ERICH1: variants seen among roughly 807,000 people sequenced by gnomAD.
ERICH1 encodes the protein glutamate rich 1, also known as glutamate-rich protein 1.
Under a neutral mutation model 39.6 loss-of-function variants are expected in ERICH1, and 56 were observed. The ratio of observed to expected loss-of-function variants is 1.41; its 90% CI spans 1.14 to 1.77. The LOEUF (loss-of-function observed/expected upper bound fraction) is 1.77, where lower values mean the gene tolerates loss of function less well. ERICH1 is among the 40% of genes most tolerant of loss of function. The pLI, the probability that ERICH1 is intolerant of heterozygous loss-of-function variation, is 0.00. For missense variants in ERICH1, 826 were observed against 575.4 expected, an observed-to-expected ratio of 1.44 and a Z score of -4.45; for synonymous variants, 313 against 223.6, an observed-to-expected ratio of 1.40 and a Z score of -3.57.
intron 2 of ERICH1, among the ~76,000 whole-genome samples, chr8:712,572 G>T (rs1814996027): frequency 6.6e-6 from 1 of 152,176 alleles, no homozygotes. Context: ...TGGGACTACA[G>T]GTGTGCACCA....
chr8:729,133 C>T (rs542351912), intron 1 of ERICH1, among the ~76,000 whole-genome samples: 84 of 152,242 alleles, frequency 5.5e-4, no homozygotes, highest in Non-Finnish European at 1.0e-3. Context: ...GCCTGATTCG[C>T]TGCCGCAGCC....
Position 642,694 on chromosome 8 carries a change from A to G in ERICH1, c.976+25904T>C, listed in dbSNP as rs528754107. On this transcript the variant is annotated intron_variant, in intron 3 of 3. Coordinates refer to the ERICH1 transcript ENST00000522706. ...CTGGCACGTCTGTTATGAGGTCTTCATCATCCCACAAACGCGTTGTTCCGC... is the reference window on the plus strand; with the variant it reads ...CTGGCACGTCTGTTATGAGGTCTTCGTCATCCCACAAACGCGTTGTTCCGC... Among the ~76,000 whole-genome samples the G allele has an allele frequency of 6.0e-4, 92 of 152,076 alleles. 2 individuals are homozygous for G. Among genetic ancestry groups the G allele is most frequent in the African/African-American group, 2.1e-3 (88 of 41,484 alleles).
At chr8:688,065 A>G (rs1253934939) in intron 3 of ERICH1, among the ~76,000 whole-genome samples, 1 of 152,076 alleles carries the variant, frequency 6.6e-6, no homozygotes, top group Non-Finnish European at 1.5e-5. Context: ...GCGCGCGGTC[A>G]AATTCCTCAG....
intron 2 of ERICH1, among the ~76,000 whole-genome samples, chr8:706,742 C>A (rs2132256647): frequency 6.6e-6 from 1 of 152,242 alleles, no homozygotes; most frequent in East Asian, 1.9e-4. Flanking sequence ...TGTACTCTAG[C>A]CTGGGCAACA....
intron 3 of ERICH1, among the ~76,000 whole-genome samples, chr8:679,514 G>T (rs1002292044): frequency 2.3e-4 from 35 of 151,832 alleles, no homozygotes; most frequent in African/African-American, 8.5e-4. Flanking sequence ...CCTGACAAGG[G>T]CATTGCAAGA....
intron 3 of ERICH1, among the ~76,000 whole-genome samples, chr8:658,632 G>A (rs1563197681): frequency 6.6e-6 from 1 of 152,184 alleles, no homozygotes; most frequent in Non-Finnish European, 1.5e-5. Context: ...CCTTAGGGAG[G>A]TGACCAGGCC....
In ERICH1 at chr8:642,511, A is replaced by AT. The variant is rs1799126693; in HGVS notation, c.976+26086dup. On this transcript the variant is annotated intron_variant, in intron 3 of 3. Transcript: ENST00000522706. ...AGGCACCAGCCACCACGCCCGGCTA[A>AT]TTTTTTGTATTTTTAGTAGAGACGG... 2.0e-5 allele frequency among the ~76,000 whole-genome samples: 3 copies of AT among 151,780 alleles called. No homozygotes were observed. The South Asian group carries it at 6.3e-4, about 32-fold the overall frequency.
At chr8:696,906 T>C (rs1810439041) in intron 2 of ERICH1, among the ~76,000 whole-genome samples, 2 of 143,342 alleles carry the variant, frequency 1.4e-5, no homozygotes, top group African/African-American at 5.3e-5. Context: ...CTCCCTCTCC[T>C]TCCTCCCCAT....
intron 3 of ERICH1, among the ~76,000 whole-genome samples, chr8:629,237 G>A (rs192803932): frequency 1.4e-4 from 22 of 152,248 alleles, no homozygotes; most frequent in Admixed American, 1.0e-3. Context: ...TGGCCAACAG[G>A]CTACCCCAGG....
chr8:641,646 G>A (rs190917699), intron 3 of ERICH1, among the ~76,000 whole-genome samples: 2 of 152,240 alleles, frequency 1.3e-5, no homozygotes, highest in African/African-American at 4.8e-5. Flanking sequence ...GTCTGAGCGT[G>A]ATCTAATCAG....
intron 1 of ERICH1, among the ~76,000 whole-genome samples, chr8:722,368 C>G (rs1007403491): frequency 2.0e-5 from 3 of 152,014 alleles, no homozygotes; most frequent in African/African-American, 7.3e-5. Context: ...CAACACCCAG[C>G]AGAAATGAGT....
chr8:689,099 A>G (rs1443086695), intron 3 of ERICH1, among the ~76,000 whole-genome samples: 1 of 149,970 alleles, frequency 6.7e-6, no homozygotes, highest in East Asian at 2.0e-4. Context: ...CTAGGTGAAG[A>G]GCTCACGTAT....
chr8:634,180 A>AAAAACAAAC lies in ERICH1; in HGVS notation c.977-18897_977-18896insGTTTGTTTT, dbSNP rs1798244217. Among the ~76,000 whole-genome samples, 4 of 91,254 alleles carry AAAAACAAAC rather than the reference A, an allele frequency of 4.4e-5. No homozygotes were observed. In the South Asian group the frequency reaches 1.1e-3, roughly 25 times the overall value. The allele number at this position is 91,254 out of a possible 152,430, so 59.9% of individuals were successfully genotyped here. A position where few individuals can be genotyped will look rare whatever the true frequency, so the allele number is the denominator to read the frequency against. ...AACTCCTAAAACTCAAAAAAAAAAA[A>AAAAACAAAC]AAAAAACAAACAAAAAAAACCCTGA... On this transcript the variant is annotated intron_variant, in intron 3 of 3. Coordinates refer to the ERICH1 transcript ENST00000522706.
intron 3 of ERICH1, among the ~76,000 whole-genome samples, chr8:631,182 G>A (rs1259551933): frequency 6.6e-6 from 1 of 152,276 alleles, no homozygotes. Flanking sequence ...CCTGAAGCTT[G>A]GCTCTGGGAG....
At chr8:691,498 G>A (rs1047886947) in intron 3 of ERICH1, among the ~76,000 whole-genome samples, 10 of 152,216 alleles carry the variant, frequency 6.6e-5, no homozygotes, top group African/African-American at 2.4e-4. Flanking sequence ...CAGGAAGGGC[G>A]TGAGTGAGGG....
At chr8:716,055 T>C (rs1815909814) in intron 1 of ERICH1, 48 bp from the exon 2 acceptor site, 2 of 1,551,520 alleles carry the variant, frequency 1.3e-6, no homozygotes, top group East Asian at 2.3e-5. Context: ...GAATGAATTA[T>C]GCAGTTTATC....
At chr8:711,189 A>G (rs1563326344) in intron 2 of ERICH1, among the ~76,000 whole-genome samples, 2 of 152,180 alleles carry the variant, frequency 1.3e-5, no homozygotes, top group African/African-American at 2.4e-5. Flanking sequence ...CCATTTTCTT[A>G]TTAAGTTTTA....
chr8:687,388 G>C (rs1204226190), intron 3 of ERICH1, among the ~76,000 whole-genome samples: 1 of 152,232 alleles, frequency 6.6e-6, no homozygotes, highest in African/African-American at 2.4e-5. Context: ...CCAGGATAAG[G>C]CTCCTCGGGG....
intron 1 of ERICH1, among the ~76,000 whole-genome samples, chr8:723,146 C>T (rs867256889): frequency 2.6e-5 from 4 of 152,176 alleles, no homozygotes; most frequent in Admixed American, 6.5e-5. Flanking sequence ...CTCCCGCTCT[C>T]CCTCCCTCAC....
Sources: allele counts gnomAD v4.1 joint callset (sites outside exome capture counted in the v4.1 genomes callset), GRCh38; gene constraint gnomAD v4.1.1; transcripts MANE v1.5; gene names NCBI Gene and HGNC (gene_info 2026-07-23, HGNC 2026-07-21).